MLIP: variants seen among roughly 807,000 people sequenced by gnomAD.
MLIP encodes the protein muscular LMNA interacting protein.
MLIP carries 79 observed loss-of-function variants against 84.8 expected under a neutral mutation model. That is an observed-to-expected ratio of 0.93 (90% confidence interval 0.78 to 1.12). The LOEUF is 1.12. Among genes scored for constraint, MLIP ranks in the 50% most tolerant of loss-of-function variants. The pLI, the probability that MLIP is intolerant of heterozygous loss-of-function variation, is 0.00. For synonymous variants in MLIP, 504 were observed against 463.0 expected (o/e 1.09, Z -1.14); for missense variants, 1,257 against 1,160.6 (o/e 1.08, Z -1.21).
chr6:54,111,557 C>T lies in MLIP; in HGVS notation c.78C>T (p.Ser26=). Residue 26 remains serine, a synonymous_variant, in exon 1 of 14, where the codon AGC becomes AGT. Coordinates refer to ENST00000502396, the MANE Select transcript of MLIP (RefSeq NM_001281747.2). ...TGACCTCGTGCATCTTATCAGGGAG[C>T]ATTCAGACCACACCCCAGGTAAAAG... ...FQMTSCILSG[S]IQTTPQVSAG... 1 of 1,536,006 alleles carries T rather than the reference C, an allele frequency of 6.5e-7. No homozygotes were observed. The highest frequency in any genetic ancestry group is 1.4e-5 in the African/African-American group (1 of 73,134).
At chr6:54,050,281 GAAAACACA>G (rs1384570085) in intron 1 of MLIP, among the ~76,000 whole-genome samples, 1 of 152,048 alleles carries the variant, frequency 6.6e-6, no homozygotes, top group Non-Finnish European at 1.5e-5. Context: ...GAAAGAAAAT[GAAAACACA>G]TATAGTATTT....
intron 12 of MLIP, among the ~76,000 whole-genome samples, chr6:54,253,223 T>C (rs7763165): frequency 0.027 from 4,071 of 152,230 alleles, 164 homozygotes; most frequent in African/African-American, 0.09. Context: ...TAATTTGTAA[T>C]GTCGCTTTTG....
intron 11 of MLIP, among the ~76,000 whole-genome samples, chr6:54,212,444 GT>G (rs1402446694): frequency 6.6e-6 from 1 of 152,124 alleles, no homozygotes; most frequent in African/African-American, 2.4e-5. Flanking sequence ...TAGGTCACAT[GT>G]TTGGAGAGAT....
At chr6:54,256,919 C>T (rs1477501356) in intron 12 of MLIP, among the ~76,000 whole-genome samples, 1 of 152,072 alleles carries the variant, frequency 6.6e-6, no homozygotes, top group African/African-American at 2.4e-5. Context: ...TGCTTTGGAG[C>T]TTTTCAGTTA....
At chr6:54,257,191 C>T in intron 12 of MLIP, 117 bp from the exon 13 acceptor site, 2 of 702,410 alleles carry the variant, frequency 2.8e-6, no homozygotes, top group Non-Finnish European at 2.4e-6. Flanking sequence ...TGGTAGAATC[C>T]ACTGTTATCT....
At chr6:54,084,555 A>G (rs1446051324) in intron 1 of MLIP, among the ~76,000 whole-genome samples, 1 of 152,164 alleles carries the variant, frequency 6.6e-6, no homozygotes, top group African/African-American at 2.4e-5. Flanking sequence ...TTGCTTTTCT[A>G]TACCTCAAGC....
intron 13 of MLIP, among the ~76,000 whole-genome samples, chr6:54,264,282 A>G (rs1364878373): frequency 6.6e-6 from 1 of 152,080 alleles, no homozygotes; most frequent in Non-Finnish European, 1.5e-5. Context: ...TCCCATCTAC[A>G]TCATATATGC....
At chr6:54,094,611 A>C (rs1199572885) in intron 1 of MLIP, among the ~76,000 whole-genome samples, 1 of 151,758 alleles carries the variant, frequency 6.6e-6, no homozygotes, top group East Asian at 1.9e-4. Context: ...TTTAATTTAC[A>C]AAGCTAAGAA....
At chr6:54,041,804 A>G (rs553752313) in intron 1 of MLIP, among the ~76,000 whole-genome samples, 1 of 152,168 alleles carries the variant, frequency 6.6e-6, no homozygotes, top group East Asian at 1.9e-4. Context: ...TTTTTTCATC[A>G]GCCCACAATT....
intron 1 of MLIP, among the ~76,000 whole-genome samples, chr6:54,115,034 T>C (rs1332452478): frequency 6.6e-6 from 1 of 152,192 alleles, no homozygotes; most frequent in Non-Finnish European, 1.5e-5. Context: ...TGTTAGAGGT[T>C]TGAAGAAAGG....
chr6:54,048,016 G>A (rs1302928419), intron 1 of MLIP, among the ~76,000 whole-genome samples: 1 of 152,162 alleles, frequency 6.6e-6, no homozygotes, highest in Non-Finnish European at 1.5e-5. Flanking sequence ...GAGAGAGGGG[G>A]AGCAGTGCAT....
chr6:54,265,030 G>C (rs1783606481), intron 13 of MLIP, among the ~76,000 whole-genome samples: 4 of 152,068 alleles, frequency 2.6e-5, no homozygotes, highest in Admixed American at 6.6e-5. Flanking sequence ...TTCACCTCAT[G>C]ATCTGGCTGA....
At chr6:54,204,761 T>C (rs1778924415) in intron 11 of MLIP, among the ~76,000 whole-genome samples, 1 of 152,232 alleles carries the variant, frequency 6.6e-6, no homozygotes, top group Non-Finnish European at 1.5e-5. Context: ...AAGCTCTTTT[T>C]ACATTACAAC....
intron 1 of MLIP, among the ~76,000 whole-genome samples, chr6:54,096,702 C>T (rs1270721036): frequency 1.3e-5 from 2 of 152,238 alleles, no homozygotes; most frequent in Non-Finnish European, 2.9e-5. Flanking sequence ...CTTCTTCTTA[C>T]TTCCCACCAG....
At chr6:54,091,221 C>G (rs937671146) in intron 1 of MLIP, among the ~76,000 whole-genome samples, 4 of 152,064 alleles carry the variant, frequency 2.6e-5, no homozygotes, top group Non-Finnish European at 5.9e-5. Flanking sequence ...GAAAGCTGAG[C>G]CATCATAAAT....
At chr6:54,216,083 G>A in intron 11 of MLIP, 1 of 823,160 alleles carries the variant, frequency 1.2e-6, no homozygotes, top group Non-Finnish European at 1.5e-6. Context: ...AGACACTTCG[G>A]TTGTTGCCAT....
chr6:54,157,884 A>G (rs1774200050), intron 5 of MLIP, among the ~76,000 whole-genome samples: 1 of 152,168 alleles, frequency 6.6e-6, no homozygotes, highest in Non-Finnish European at 1.5e-5. Flanking sequence ...AAGAAGCAAT[A>G]TTGAATGTTT....
At position 54,174,085 on chromosome 6, in the gene MLIP, T is replaced by C. The variant is rs552783392; in HGVS notation, c.2544+4513T>C. Among the ~76,000 whole-genome samples, 23 of 152,156 alleles carry C rather than the reference T, an allele frequency of 1.5e-4. No individual in the cohort carries two copies. The East Asian group carries it at 4.2e-3, about 28-fold the overall frequency. ...ACAGGATCTCATTCTTTATAAAGGC[T>C]GAATAGTACTCCATTGTGTATAAGT... On this transcript the variant is annotated intron_variant, in intron 9 of 13. Coordinates refer to ENST00000502396, the MANE Select transcript of MLIP (RefSeq NM_001281747.2).
chr6:54,190,994 A>C (rs1028022972), intron 10 of MLIP, among the ~76,000 whole-genome samples: 2 of 151,676 alleles, frequency 1.3e-5, no homozygotes, highest in East Asian at 3.9e-4. Context: ...ATGGGGTTTC[A>C]CCATTTAAGC....
Sources: gnomAD v4.1 joint callset for allele counts (sites outside exome capture counted in the v4.1 genomes callset) on GRCh38, gnomAD v4.1.1 for gene constraint, MANE v1.5 for transcripts, NCBI Gene and HGNC (gene_info 2026-07-23, HGNC 2026-07-21) for gene names.